The following NTM variants were observed in gnomAD, a reference collection of about 807,000 sequenced individuals.
NTM encodes neurotrimin, also known as IgLON family member 2.
Under a neutral mutation model 42.1 loss-of-function variants are expected in NTM, and 13 were observed. The observed-to-expected ratio is 0.31, with a 90% CI of 0.20 to 0.49. NTM has a LOEUF of 0.49. Ranked by LOEUF, NTM falls within the 20% of genes least tolerant of loss-of-function variation. NTM has a pLI of 0.99. For synonymous variants in NTM, 187 were observed against 179.2 expected (o/e 1.04, Z -0.35); for missense variants, 373 against 452.8 (o/e 0.82, Z 1.60).
chr11:131,830,731 T>G (rs891175203), intron 1 of NTM, among the ~76,000 whole-genome samples: 10 of 152,256 alleles, frequency 6.6e-5, no homozygotes, highest in Non-Finnish European at 1.2e-4. Context: ...TGGATAGGAA[T>G]AATGTTGAAT....
chr11:131,911,376 C>CCGCTCAGTCCCCGCGCT (rs2054930059), intron 1 of NTM, 188 bp from the exon 2 acceptor site: 14 of 1,560,526 alleles, frequency 9.0e-6, no homozygotes. Context: ...CGCGGGTTCA[C>CCGCTCAGTCCCCGCGCT]CGCTCAGTCC....
chr11:132,109,517 A>G (rs1348555342), intron 2 of NTM, among the ~76,000 whole-genome samples: 1 of 152,232 alleles, frequency 6.6e-6, no homozygotes. Context: ...GAAAAAAATT[A>G]AATATTTTTA....
At chr11:132,200,201 C>G (rs2080939227) in intron 3 of NTM, among the ~76,000 whole-genome samples, 1 of 152,154 alleles carries the variant, frequency 6.6e-6, no homozygotes, top group African/African-American at 2.4e-5. Flanking sequence ...GATAAGTTTC[C>G]TTTGACAGCA....
intron 1 of NTM, among the ~76,000 whole-genome samples, chr11:131,772,309 A>G (rs2086238159): frequency 6.6e-6 from 1 of 152,172 alleles, no homozygotes; most frequent in South Asian, 2.1e-4. Context: ...ACCCTGTATA[A>G]TCTCCCCAAC....
intron 2 of NTM, among the ~76,000 whole-genome samples, chr11:131,941,633 A>G (rs1472566334): frequency 6.6e-6 from 1 of 152,252 alleles, no homozygotes; most frequent in African/African-American, 2.4e-5. Context: ...AATGAACGAT[A>G]GAACTTTGTT....
At chr11:132,101,237 G>A (rs190299107) in intron 2 of NTM, among the ~76,000 whole-genome samples, 6 of 152,100 alleles carry the variant, frequency 3.9e-5, no homozygotes, top group South Asian at 2.1e-4. Context: ...GTGTTCCACC[G>A]CAGAGAGGCT....
intron 2 of NTM, among the ~76,000 whole-genome samples, chr11:132,049,527 G>C (rs2078547799): frequency 6.6e-6 from 1 of 152,216 alleles, no homozygotes; most frequent in Non-Finnish European, 1.5e-5. Context: ...AACACACACT[G>C]GCTCTGGGGT....
chr11:132,027,247 A>G (rs1268913760), intron 2 of NTM, among the ~76,000 whole-genome samples: 1 of 152,222 alleles, frequency 6.6e-6, no homozygotes, highest in Non-Finnish European at 1.5e-5. Flanking sequence ...GGCTGGAACT[A>G]CAACAACTGA....
intron 4 of NTM, among the ~76,000 whole-genome samples, chr11:132,258,719 G>A (rs1007890581): frequency 6.6e-6 from 1 of 152,204 alleles, no homozygotes; most frequent in Non-Finnish European, 1.5e-5. Context: ...TGAGCCTTTT[G>A]TGTGGCCCAC....
intron 2 of NTM, among the ~76,000 whole-genome samples, chr11:131,946,645 T>C (rs2060375528): frequency 1.3e-5 from 2 of 152,194 alleles, no homozygotes; most frequent in Non-Finnish European, 2.9e-5. Context: ...TCTCTAACCC[T>C]ACACAATGCA....
At chr11:132,326,120 A>G (rs954849640) in intron 7 of NTM, among the ~76,000 whole-genome samples, 2 of 152,170 alleles carry the variant, frequency 1.3e-5, no homozygotes, top group African/African-American at 4.8e-5. Flanking sequence ...ATACATATGT[A>G]ACAAACCTGC....
At chr11:132,190,393 G>C (rs1408632430) in intron 3 of NTM, among the ~76,000 whole-genome samples, 1 of 152,126 alleles carries the variant, frequency 6.6e-6, no homozygotes, top group Non-Finnish European at 1.5e-5. Context: ...AGCATTTCAG[G>C]AGAGGAAAGA....
intron 1 of NTM, among the ~76,000 whole-genome samples, chr11:131,903,151 G>A (rs970042433): frequency 3.3e-4 from 50 of 152,072 alleles, no homozygotes; most frequent in South Asian, 2.1e-4. Flanking sequence ...AAATAGGGCC[G>A]CGGAAAGTTA....
intron 7 of NTM, among the ~76,000 whole-genome samples, chr11:132,316,263 G>C (rs2136192930): frequency 6.6e-6 from 1 of 152,284 alleles, no homozygotes; most frequent in South Asian, 2.1e-4. Context: ...CAAACAAACA[G>C]TTCTCGTAAG....
At chr11:131,976,118 T>TCCTTCCTTCCTTCCTTCCTC (rs1593324424) in intron 2 of NTM, among the ~76,000 whole-genome samples, 1 of 124,192 alleles carries the variant, frequency 8.1e-6, no homozygotes, top group East Asian at 2.5e-4. Flanking sequence ...CCTCCCTCAT[T>TCCTTCCTTCCTTCCTTCCTC]CCTTCCTTCC....
At chr11:131,970,882 C>T (rs1320595317) in intron 2 of NTM, among the ~76,000 whole-genome samples, 1 of 152,164 alleles carries the variant, frequency 6.6e-6, no homozygotes, top group Non-Finnish European at 1.5e-5. Flanking sequence ...TACAGCTTCC[C>T]ACACCAAAGC....
chr11:131,400,201 C>T (rs866037610), intron 1 of NTM, among the ~76,000 whole-genome samples: 85 of 152,182 alleles, frequency 5.6e-4, no homozygotes, highest in African/African-American at 1.8e-3. Context: ...ATAGACAGGA[C>T]GTCACCTGTC....
intron 1 of NTM, among the ~76,000 whole-genome samples, chr11:131,819,817 G>C (rs1565591638): frequency 6.6e-6 from 1 of 152,164 alleles, no homozygotes; most frequent in Non-Finnish European, 1.5e-5. Flanking sequence ...GAATTTTCCT[G>C]TGTGTCTCTG....
chr11:131,875,935 G>A (rs1045635367), intron 1 of NTM, among the ~76,000 whole-genome samples: 3 of 152,232 alleles, frequency 2.0e-5, no homozygotes, highest in Admixed American at 2.0e-4. Context: ...CAGAGGCAGC[G>A]AGGAGCCTCC....
Sources: gnomAD v4.1 joint callset for allele counts (sites outside exome capture counted in the v4.1 genomes callset) on GRCh38, gnomAD v4.1.1 for gene constraint, MANE v1.5 for transcripts, NCBI Gene and HGNC (gene_info 2026-07-23, HGNC 2026-07-21) for gene names.